SEMA5A: variants seen among roughly 807,000 people sequenced by gnomAD.
SEMA5A encodes the protein semaphorin-5A.
Under a neutral mutation model 135.5 loss-of-function variants are expected in SEMA5A, and 55 were observed. The ratio of observed to expected loss-of-function variants is 0.41; its 90% CI spans 0.33 to 0.51. The LOEUF is 0.51. Ranked by LOEUF, SEMA5A falls within the 20% of genes least tolerant of loss-of-function variation. The probability of loss-of-function intolerance (pLI) is 0.37; values close to 1 mark genes in which losing one functional copy is unlikely to be tolerated. For missense variants in SEMA5A, 1,290 were observed against 1,419.9 expected (o/e 0.91, Z 1.47); for synonymous variants, 580 against 546.5 (o/e 1.06, Z -0.85).
chr5:9,139,465 A>T (rs1171554678), intron 12 of SEMA5A, among the ~76,000 whole-genome samples: 2 of 152,146 alleles, frequency 1.3e-5, no homozygotes, highest in African/African-American at 4.8e-5. Flanking sequence ...AAAAAATAGA[A>T]TTTCCCAATT....
At chr5:9,297,151 TAAAAA>T (rs1222380118) in intron 5 of SEMA5A, among the ~76,000 whole-genome samples, 1 of 151,816 alleles carries the variant, frequency 6.6e-6, no homozygotes, top group African/African-American at 2.4e-5. Flanking sequence ...AAATTCAACC[TAAAAA>T]AATACATATA....
At chr5:9,161,346 T>G (rs1344043005) in intron 11 of SEMA5A, among the ~76,000 whole-genome samples, 1 of 152,136 alleles carries the variant, frequency 6.6e-6, no homozygotes, top group Non-Finnish European at 1.5e-5. Flanking sequence ...TTATCTAGAC[T>G]AGCACTGTCC....
intron 1 of SEMA5A, among the ~76,000 whole-genome samples, chr5:9,537,495 C>T (rs76416004): frequency 2.0e-4 from 30 of 152,316 alleles, no homozygotes; most frequent in Non-Finnish European, 4.1e-4. Context: ...ATGTCACCCA[C>T]CCCACTGCCA....
chr5:9,441,034 A>G (rs1283732654), intron 1 of SEMA5A, among the ~76,000 whole-genome samples: 3 of 152,216 alleles, frequency 2.0e-5, no homozygotes, highest in Admixed American at 1.3e-4. Context: ...TCCCAAAGGC[A>G]AGACTTAGAC....
intron 3 of SEMA5A, among the ~76,000 whole-genome samples, chr5:9,355,878 T>G (rs992344370): frequency 6.6e-6 from 1 of 152,274 alleles, no homozygotes; most frequent in Middle Eastern, 3.4e-3. Context: ...ATCCCTGCAT[T>G]AGGAGGGTCA....
chr5:9,207,131 T>TATATATATATATATAA (rs1746075578), intron 8 of SEMA5A, among the ~76,000 whole-genome samples: 1 of 137,478 alleles, frequency 7.3e-6, no homozygotes, highest in Admixed American at 7.4e-5. Flanking sequence ...TATATATATA[T>TATATATATATATATAA]ATAAAGCTTA....
intron 6 of SEMA5A, among the ~76,000 whole-genome samples, chr5:9,232,134 T>C (rs1484354193): frequency 1.3e-5 from 2 of 152,160 alleles, no homozygotes; most frequent in Non-Finnish European, 2.9e-5. Context: ...AAAACATGTT[T>C]TAGGGCTGTT....
intron 11 of SEMA5A, among the ~76,000 whole-genome samples, chr5:9,184,735 A>G (rs992068721): frequency 1.3e-5 from 2 of 151,376 alleles, no homozygotes; most frequent in Non-Finnish European, 2.9e-5. Flanking sequence ...CATCATTTCA[A>G]CTCTGGGTAC....
chr5:9,050,929 C>T (rs1459046707), intron 20 of SEMA5A, among the ~76,000 whole-genome samples: 2 of 152,210 alleles, frequency 1.3e-5, no homozygotes, highest in Non-Finnish European at 2.9e-5. Flanking sequence ...CAGGAGGCCA[C>T]TGATGCTCTT....
chr5:9,208,569 T>C (rs1746175675), intron 8 of SEMA5A, among the ~76,000 whole-genome samples: 1 of 150,838 alleles, frequency 6.6e-6, no homozygotes, highest in South Asian at 2.1e-4. Context: ...AGGGCAGAGG[T>C]GAGGCTGAGA....
intron 22 of SEMA5A, among the ~76,000 whole-genome samples, chr5:9,043,833 T>C (rs1438670846): frequency 3.3e-5 from 5 of 152,264 alleles, no homozygotes. Context: ...AATTACCTTC[T>C]GATGCCCATA....
intron 2 of SEMA5A, among the ~76,000 whole-genome samples, chr5:9,413,675 T>C (rs1332600860): frequency 2.6e-5 from 4 of 152,224 alleles, no homozygotes; most frequent in Non-Finnish European, 5.9e-5. Flanking sequence ...AATAAGTTTC[T>C]GTGTATGTTT....
chr5:9,112,986 C>T (rs1305776634), intron 15 of SEMA5A, among the ~76,000 whole-genome samples: 1 of 152,192 alleles, frequency 6.6e-6, no homozygotes, highest in Non-Finnish European at 1.5e-5. Context: ...AACTGAGGCC[C>T]TCAGTCTGAC....
chr5:9,387,229 G>A (rs1755934597), intron 2 of SEMA5A, among the ~76,000 whole-genome samples: 1 of 152,180 alleles, frequency 6.6e-6, no homozygotes. Context: ...GCATAGCCTT[G>A]TCTCTAGTGA....
intron 4 of SEMA5A, among the ~76,000 whole-genome samples, chr5:9,324,588 C>T (rs1013302890): frequency 6.6e-6 from 1 of 152,130 alleles, no homozygotes. Flanking sequence ...TCTCTCAAGA[C>T]AGCTTGATCC....
intron 5 of SEMA5A, among the ~76,000 whole-genome samples, chr5:9,300,771 A>T (rs1490941470): frequency 6.6e-6 from 1 of 152,194 alleles, no homozygotes; most frequent in Non-Finnish European, 1.5e-5. Context: ...TCAGGGCTAT[A>T]TTAGACACAT....
chr5:9,141,475 T>C (rs1337617065), intron 12 of SEMA5A, among the ~76,000 whole-genome samples: 5 of 152,228 alleles, frequency 3.3e-5, no homozygotes, highest in African/African-American at 1.2e-4. Flanking sequence ...TTAATGACCT[T>C]ACACTATTCT....
chr5:9,429,234 T>C (rs1379987410), intron 2 of SEMA5A, among the ~76,000 whole-genome samples: 3 of 152,134 alleles, frequency 2.0e-5, no homozygotes, highest in African/African-American at 4.8e-5. Context: ...GGAGGAAGAA[T>C]CCCATTCCTC....
chr5:9,239,796 A>G (rs1748104031), intron 5 of SEMA5A, among the ~76,000 whole-genome samples: 1 of 152,092 alleles, frequency 6.6e-6, no homozygotes, highest in Non-Finnish European at 1.5e-5. Context: ...TACTTTAGAT[A>G]AAGAGTCATT....
Sources: gnomAD v4.1 joint callset for allele counts (sites outside exome capture counted in the v4.1 genomes callset) on GRCh38, gnomAD v4.1.1 for gene constraint, MANE v1.5 for transcripts, NCBI Gene and HGNC (gene_info 2026-07-23, HGNC 2026-07-21) for gene names.